Variants in RAC1 observed in about 807,000 individuals in gnomAD.
RAC1 encodes the protein Rac family small GTPase 1, also known as ras-related C3 botulinum toxin substrate 1.
RAC1 carries 2 observed loss-of-function variants against 25.2 expected under a neutral mutation model. The ratio of observed to expected loss-of-function variants is 0.08; its 90% CI spans 0.03 to 0.25. The LOEUF (loss-of-function observed/expected upper bound fraction) is 0.25. Ranked by LOEUF, RAC1 falls within the 10% of genes least tolerant of loss-of-function variation. The probability of loss-of-function intolerance (pLI) is 1.00; values close to 1 mark genes in which losing one functional copy is unlikely to be tolerated. For missense variants in RAC1, 50 were observed against 235.7 expected (o/e 0.21, Z 5.16); for synonymous variants, 88 against 94.0 (o/e 0.94, Z 0.37).
chr7:6,377,680 C>A (rs576802443), intron 1 of RAC1, among the ~76,000 whole-genome samples: 2 of 152,086 alleles, frequency 1.3e-5, no homozygotes, highest in Non-Finnish European at 2.9e-5. Flanking sequence ...TTTGGGAGGC[C>A]GAGGTGGGCG....
In RAC1 at chr7:6,397,957, C is replaced by G. The variant is rs1423543918; in HGVS notation, c.226-2169C>G. On this transcript the variant is annotated intron_variant, in intron 3 of 5. Coordinates refer to ENST00000348035, the MANE Select transcript of RAC1 (RefSeq NM_006908.5). ...TGAGCTGAGATCTCACCATTGCACT[C>G]CAGCCTGGGCAACAGAGCAAGACTC... Among the ~76,000 whole-genome samples the G allele has an allele frequency of 2.0e-5, 3 of 152,186 alleles. No individual in the cohort carries two copies. In the East Asian group the frequency reaches 5.8e-4, roughly 29 times the overall value.
Position 6,402,502 on chromosome 7 carries a change from C to CAAAAAAAAAAAAAA in RAC1, c.*65_*66insAAAAAAAAAAAAAA, listed in dbSNP as rs1484553436. ...CCTTGGAACCTTTGTACGCTTTGCT[C>CAAAAAAAAAAAAAA]AAAAAAAAACAAAAAAAAAAAACAA... On this transcript the variant is annotated 3_prime_UTR_variant, in exon 6 of 6. Transcript: ENST00000348035. 1.0e-4 allele frequency: 11 copies of CAAAAAAAAAAAAAA among 106,276 alleles called. 1 individual carries two copies. The highest frequency in any genetic ancestry group is 4.9e-4 in the African/African-American group (3 of 6,096). The allele number at this position is 106,276 out of a possible 1,614,324, so 6.6% of individuals were successfully genotyped here.
At chr7:6,377,470 T>G (rs564022853) in intron 1 of RAC1, among the ~76,000 whole-genome samples, 10 of 152,148 alleles carry the variant, frequency 6.6e-5, no homozygotes, top group Admixed American at 4.6e-4. Flanking sequence ...CACATGTGCC[T>G]GTAGTCCCAG....
At chr7:6,388,861 T>C (rs974714063) in intron 2 of RAC1, among the ~76,000 whole-genome samples, 1 of 152,198 alleles carries the variant, frequency 6.6e-6, no homozygotes, top group African/African-American at 2.4e-5. Flanking sequence ...GATAGATTAT[T>C]AGAAGCAAAA....
chr7:6,390,805 T>C (rs766509594), intron 2 of RAC1, among the ~76,000 whole-genome samples: 5 of 152,130 alleles, frequency 3.3e-5, no homozygotes, highest in Non-Finnish European at 5.9e-5. Flanking sequence ...TTTTCCCTTA[T>C]GGGGAAAAAA....
Position 6,392,173 on chromosome 7 carries a change from G to T in RAC1, c.225+132G>T, listed in dbSNP as rs1029770572. 54 of 1,478,806 alleles carry T rather than the reference G, an allele frequency of 3.7e-5. 1 individual carries two copies. Among genetic ancestry groups the T allele is most frequent in the South Asian group, 2.8e-4 (21 of 74,346 alleles). The allele number at this position is 1,478,806 out of a possible 1,614,324, so 91.6% of individuals were successfully genotyped here. A position where few individuals can be genotyped will look rare whatever the true frequency, so the allele number is the denominator to read the frequency against. Reference sequence around the variant, plus strand: ...TATTGAGTAAATAGCAAACAGGGTGGGATTGGTTCCATGTAAACATCCCCC... The same window carrying T: ...TATTGAGTAAATAGCAAACAGGGTGTGATTGGTTCCATGTAAACATCCCCC... On this transcript the variant is annotated intron_variant, in intron 3 of 5. Coordinates refer to ENST00000348035, the MANE Select transcript of RAC1 (RefSeq NM_006908.5).
intron 2 of RAC1, among the ~76,000 whole-genome samples, chr7:6,388,146 G>T (rs1782974182): frequency 6.6e-6 from 1 of 152,008 alleles, no homozygotes; most frequent in African/African-American, 2.4e-5. Context: ...GGAAAGTGCT[G>T]CTCTGGTGAT....
chr7:6,392,174 G>T, intron 3 of RAC1, 133 bp downstream of exon 3: 1 of 1,476,746 alleles, frequency 6.8e-7, no homozygotes, highest in African/African-American at 1.4e-5. Flanking sequence ...AACAGGGTGG[G>T]ATTGGTTCCA....
chr7:6,383,784 C>CT (rs34847745), intron 1 of RAC1, among the ~76,000 whole-genome samples: 1,213 of 39,744 alleles, frequency 0.031, 122 homozygotes, highest in East Asian at 0.086. Flanking sequence ...CAACCTTTAT[C>CT]TTTTTTTTTT....
chr7:6,399,948 G>T (rs1373520149), intron 3 of RAC1, 178 bp from the exon 4 acceptor site: 4 of 604,048 alleles, frequency 6.6e-6, no homozygotes, highest in Non-Finnish European at 1.2e-5. Context: ...TTGACATGCT[G>T]GGTTTGGTTT....
At chr7:6,395,009 C>A (rs531902501) in intron 3 of RAC1, among the ~76,000 whole-genome samples, 4 of 152,160 alleles carry the variant, frequency 2.6e-5, no homozygotes, top group African/African-American at 9.7e-5. Flanking sequence ...CGCCCGCCAC[C>A]ACACCTGACT....
intron 2 of RAC1, 69 bp from the exon 3 acceptor site, chr7:6,391,855 C>T (rs1583265597): frequency 1.2e-6 from 2 of 1,608,596 alleles, no homozygotes; most frequent in East Asian, 2.2e-5. Context: ...GGCACACCTT[C>T]TCTAGGATGG....
chr7:6,397,333 C>T (rs1397098529), intron 3 of RAC1, among the ~76,000 whole-genome samples: 3 of 152,100 alleles, frequency 2.0e-5, no homozygotes, highest in East Asian at 3.9e-4. Context: ...CTCGCTCTGT[C>T]ACCCAGACTG....
chr7:6,376,600 C>G (rs1468344305), intron 1 of RAC1, among the ~76,000 whole-genome samples: 1 of 148,362 alleles, frequency 6.7e-6, no homozygotes, highest in Non-Finnish European at 1.5e-5. Flanking sequence ...CTCCCGGGTT[C>G]AAGCGATTCT....
chr7:6,388,346 CTTTTTTTTT>C (rs71008389), intron 2 of RAC1, among the ~76,000 whole-genome samples: 1 of 121,826 alleles, frequency 8.2e-6, no homozygotes, highest in African/African-American at 3.0e-5. Flanking sequence ...TGTTGTTTTC[CTTTTTTTTT>C]TTTTTTTTTG....
intron 1 of RAC1, among the ~76,000 whole-genome samples, chr7:6,379,099 A>G (rs1455383761): frequency 2.6e-5 from 4 of 152,078 alleles, no homozygotes; most frequent in African/African-American, 9.7e-5. Context: ...TCAAAAAGGA[A>G]AAAAAAGACA....
intron 1 of RAC1, among the ~76,000 whole-genome samples, chr7:6,380,162 C>T (rs836488): frequency 0.13 from 20,097 of 152,134 alleles, 2,555 homozygotes; most frequent in East Asian, 0.56. Context: ...TTCTGTTGAA[C>T]GGTGGTGGCG....
chr7:6,392,145 G>T lies in RAC1; in HGVS notation c.225+104G>T, dbSNP rs557364154. 9.6e-6 allele frequency: 15 copies of T among 1,567,346 alleles called. No homozygotes were observed. The Admixed American group carries it at 1.0e-4, about 11-fold the overall frequency. ...GGACTTGCTTATATTGCCATCATTT[G>T]GGTATTGAGTAAATAGCAAACAGGG... On this transcript the variant is annotated intron_variant, in intron 3 of 5. Transcript: ENST00000348035.
intron 3 of RAC1, among the ~76,000 whole-genome samples, chr7:6,395,025 T>C (rs1026955053): frequency 3.9e-5 from 6 of 152,176 alleles, no homozygotes; most frequent in African/African-American, 1.4e-4. Context: ...TGACTAATTT[T>C]TTATATTTTT....
Sources: allele counts gnomAD v4.1 joint callset (sites outside exome capture counted in the v4.1 genomes callset), GRCh38; gene constraint gnomAD v4.1.1; transcripts MANE v1.5; gene names NCBI Gene and HGNC (gene_info 2026-07-23, HGNC 2026-07-21).